LUZP2: variants seen among roughly 807,000 people sequenced by gnomAD.
LUZP2 encodes leucine zipper protein 2.
Under a neutral mutation model 51.6 loss-of-function variants are expected in LUZP2, and 52 were observed. The ratio of observed to expected loss-of-function variants is 1.01; its 90% CI spans 0.81 to 1.27. The LOEUF (loss-of-function observed/expected upper bound fraction) is 1.27, where lower values mean the gene tolerates loss of function less well. LUZP2 is among the 50% of genes most tolerant of loss of function. The pLI, the probability that LUZP2 is intolerant of heterozygous loss-of-function variation, is 0.00. For missense variants in LUZP2, 436 were observed against 395.4 expected (o/e 1.10, Z -0.87); for synonymous variants, 154 against 137.3 (o/e 1.12, Z -0.85).
intron 1 of LUZP2, among the ~76,000 whole-genome samples, chr11:24,512,092 TATG>T (rs1850328595): frequency 6.6e-6 from 1 of 152,212 alleles, no homozygotes; most frequent in African/African-American, 2.4e-5. Flanking sequence ...ATGCCATGAT[TATG>T]ATAACAGAGT....
chr11:24,594,376 A>G (rs964018571), intron 1 of LUZP2, among the ~76,000 whole-genome samples: 6 of 152,174 alleles, frequency 3.9e-5, no homozygotes, highest in African/African-American at 1.4e-4. Context: ...TGCATCTACA[A>G]CTACAGGAAT....
chr11:24,623,333 A>T (rs1285126618), intron 1 of LUZP2, among the ~76,000 whole-genome samples: 1 of 152,202 alleles, frequency 6.6e-6, no homozygotes, highest in Non-Finnish European at 1.5e-5. Context: ...GAATTACTTG[A>T]GGAAGAATGT....
intron 10 of LUZP2, among the ~76,000 whole-genome samples, chr11:25,066,524 G>A (rs1859001200): frequency 6.6e-6 from 1 of 151,952 alleles, no homozygotes; most frequent in African/African-American, 2.4e-5. Context: ...TCGCTAAGGG[G>A]CTCTAAGTGT....
chr11:24,557,545 G>C (rs144424087), intron 1 of LUZP2, among the ~76,000 whole-genome samples: 1 of 152,202 alleles, frequency 6.6e-6, no homozygotes, highest in African/African-American at 2.4e-5. Context: ...GCAAATGCAA[G>C]GGAAAGAGTC....
intron 1 of LUZP2, among the ~76,000 whole-genome samples, chr11:24,665,173 A>G (rs532191390): frequency 7.9e-4 from 121 of 152,242 alleles, no homozygotes; most frequent in African/African-American, 2.8e-3. Context: ...GTCAAAGGAG[A>G]TCATTTTGGA....
chr11:24,870,516 C>T (rs531167513), intron 5 of LUZP2, among the ~76,000 whole-genome samples: 314 of 150,386 alleles, frequency 2.1e-3, no homozygotes, highest in Middle Eastern at 3.4e-3. Flanking sequence ...CACACACTTC[C>T]TTGTGATACT....
At chr11:24,796,740 G>A (rs1353882562) in intron 5 of LUZP2, among the ~76,000 whole-genome samples, 1 of 152,008 alleles carries the variant, frequency 6.6e-6, no homozygotes, top group Non-Finnish European at 1.5e-5. Flanking sequence ...TTTAAGTGAA[G>A]TATTGCTTCA....
chr11:24,646,094 A>C (rs1378416758), intron 1 of LUZP2, among the ~76,000 whole-genome samples: 1 of 152,038 alleles, frequency 6.6e-6, no homozygotes. Flanking sequence ...TTGAATGTTG[A>C]TAACATCAGC....
chr11:24,983,078 T>G (rs763048064), intron 8 of LUZP2, 48 bp from the exon 9 acceptor site: 41 of 1,577,676 alleles, frequency 2.6e-5, no homozygotes, highest in Non-Finnish European at 3.4e-5. Context: ...AGCAGATAAT[T>G]GATGAGCATA....
intron 7 of LUZP2, among the ~76,000 whole-genome samples, chr11:24,963,089 C>T (rs1417797870): frequency 1.3e-5 from 2 of 152,148 alleles, no homozygotes; most frequent in Non-Finnish European, 2.9e-5. Context: ...TTTTCGTGAA[C>T]CGCGAATGCT....
chr11:24,804,767 G>C (rs1215773094), intron 5 of LUZP2, among the ~76,000 whole-genome samples: 1 of 152,108 alleles, frequency 6.6e-6, no homozygotes, highest in Admixed American at 6.6e-5. Context: ...TCTTGCTTCT[G>C]CTTTCTCTTC....
At chr11:24,965,661 A>G (rs1345629835) in intron 7 of LUZP2, among the ~76,000 whole-genome samples, 4 of 151,840 alleles carry the variant, frequency 2.6e-5, no homozygotes, top group African/African-American at 9.7e-5. Context: ...TTTTACATAT[A>G]AATTTTTTAA....
chr11:25,047,075 A>G (rs1036626617), intron 9 of LUZP2, among the ~76,000 whole-genome samples: 1 of 152,318 alleles, frequency 6.6e-6, no homozygotes, highest in Non-Finnish European at 1.5e-5. Flanking sequence ...GTTTAGAAAC[A>G]AAATACATTG....
chr11:24,624,165 G>A (rs1305620501), intron 1 of LUZP2, among the ~76,000 whole-genome samples: 1 of 152,240 alleles, frequency 6.6e-6, no homozygotes, highest in African/African-American at 2.4e-5. Flanking sequence ...CACTCAGCTA[G>A]TATAAGAAAA....
chr11:24,712,714 T>G (rs1215723052), intron 1 of LUZP2, among the ~76,000 whole-genome samples: 2 of 152,146 alleles, frequency 1.3e-5, no homozygotes, highest in Admixed American at 1.3e-4. Flanking sequence ...TGGGGCATAA[T>G]TGAGAAAGGG....
At chr11:24,857,274 TATATATATATATATAC>T (rs1007580338) in intron 5 of LUZP2, among the ~76,000 whole-genome samples, 1 of 15,368 alleles carries the variant, frequency 6.5e-5, no homozygotes, top group East Asian at 5.6e-4. Flanking sequence ...TTCATGGGGA[TATATATATATATATAC>T]ATATATATAT....
In LUZP2 at chr11:24,962,342, T is replaced by A. The variant is rs536865112; in HGVS notation, c.523-14249T>A. 1.9e-4 allele frequency among the ~76,000 whole-genome samples: 29 copies of A among 152,360 alleles called. No homozygotes were observed. In the South Asian group the frequency reaches 6.0e-3, roughly 32 times the overall value. ...GCTAGATTGGGGAAGTTCTCCTGGA[T>A]AATATCCTGCAGAGTGTTTTCCAAC... is the stretch of plus-strand genomic sequence containing the variant. On this transcript the variant is annotated intron_variant, in intron 7 of 11. Coordinates refer to ENST00000336930, the MANE Select transcript of LUZP2 (RefSeq NM_001009909.4).
intron 5 of LUZP2, among the ~76,000 whole-genome samples, chr11:24,858,343 A>G (rs1459355941): frequency 6.6e-6 from 1 of 152,196 alleles, no homozygotes; most frequent in African/African-American, 2.4e-5. Flanking sequence ...TATAGCCACT[A>G]TATTGAGAGA....
intron 5 of LUZP2, among the ~76,000 whole-genome samples, chr11:24,804,030 T>C (rs1021569380): frequency 2.0e-5 from 3 of 151,664 alleles, no homozygotes; most frequent in Non-Finnish European, 2.9e-5. Context: ...GAATAACTGT[T>C]ACTTTGCTCC....
Sources: allele counts gnomAD v4.1 joint callset (sites outside exome capture counted in the v4.1 genomes callset), GRCh38; gene constraint gnomAD v4.1.1; transcripts MANE v1.5; gene names NCBI Gene and HGNC (gene_info 2026-07-23, HGNC 2026-07-21).